Variants in PPA1 observed in about 807,000 individuals in gnomAD.
The protein encoded by PPA1 is inorganic pyrophosphatase.
In PPA1, 23 loss-of-function variants were observed where a neutral mutation model predicts 41.8. The ratio of observed to expected loss-of-function variants is 0.55; its 90% confidence interval spans 0.40 to 0.78. The LOEUF is 0.78. Ranked by LOEUF, PPA1 falls within the 30% of genes least tolerant of loss-of-function variation. The pLI is 0.00. For synonymous variants in PPA1, 101 were observed against 116.8 expected, an observed-to-expected ratio of 0.86 and a Z score of 0.87; for missense variants, 320 against 361.6, an observed-to-expected ratio of 0.89 and a Z score of 0.93.
At chr10:70,213,409 T>C in intron 6 of PPA1, 54 bp downstream of exon 6, 2 of 1,597,942 alleles carry the variant, frequency 1.3e-6, no homozygotes, top group Non-Finnish European at 1.7e-6. Context: ...AGGTTAAGTA[T>C]GGTGGTGCTT....
intron 2 of PPA1, among the ~76,000 whole-genome samples, chr10:70,220,847 T>TATATATATAATTCTTATATATATA (rs1840146048): frequency 2.4e-5 from 1 of 42,532 alleles, no homozygotes; most frequent in Non-Finnish European, 3.8e-5. Flanking sequence ...TTATATATAT[T>TATATATATAATTCTTATATATATA]ATATATATAA....
intron 2 of PPA1, among the ~76,000 whole-genome samples, chr10:70,220,847 T>TATATATATAATTTTTATATATA (rs1840146022): frequency 2.4e-5 from 1 of 42,532 alleles, no homozygotes; most frequent in African/African-American, 1.1e-4. Flanking sequence ...TTATATATAT[T>TATATATATAATTTTTATATATA]ATATATATAA....
intron 2 of PPA1, among the ~76,000 whole-genome samples, chr10:70,221,072 A>T (rs1299083135): frequency 0.062 from 1,022 of 16,388 alleles, 84 homozygotes; most frequent in African/African-American, 0.11. Context: ...ATATATATAT[A>T]TATATTTTTT....
At chr10:70,218,136 A>C (rs1840099455) in intron 3 of PPA1, among the ~76,000 whole-genome samples, 1 of 152,232 alleles carries the variant, frequency 6.6e-6, no homozygotes, top group African/African-American at 2.4e-5. Context: ...AGGAACTATC[A>C]AGAAGGGAAA....
intron 2 of PPA1, among the ~76,000 whole-genome samples, chr10:70,221,074 ATATTTTTTT>A (rs1177554099): frequency 0.015 from 307 of 20,832 alleles, 39 homozygotes; most frequent in African/African-American, 0.088. Context: ...ATATATATAT[ATATTTTTTT>A]TTTTTTTTTT....
intron 2 of PPA1, among the ~76,000 whole-genome samples, chr10:70,226,081 A>C (rs1320001186): frequency 1.3e-5 from 2 of 152,242 alleles, no homozygotes; most frequent in African/African-American, 4.8e-5. Context: ...AATTGTGTTA[A>C]GATTCCAAGG....
chr10:70,206,051 A>C (rs892102790), intron 9 of PPA1: 42 of 546,300 alleles, frequency 7.7e-5, no homozygotes, highest in Non-Finnish European at 1.4e-4. Context: ...CTATCTGTCC[A>C]ACTTATGATT....
chr10:70,224,816 C>T (rs1057386963), intron 2 of PPA1, among the ~76,000 whole-genome samples: 6 of 152,236 alleles, frequency 3.9e-5, no homozygotes, highest in African/African-American at 1.2e-4. Flanking sequence ...CTGCAACCTC[C>T]GTCTCCCGGG....
Position 70,213,514 on chromosome 10 carries a change from A to C in PPA1, c.460T>G (p.Trp154Gly). The change falls in exon 6 of 11, where the codon TGG becomes GGG. Residue 154 changes from tryptophan (W) to glycine (G), a missense_variant. Coordinates refer to ENST00000373232, the MANE Select transcript of PPA1 (RefSeq NM_021129.4). ...TCCACATTAATGGCAATGACTTTCCAGTCGGTTTCCCCTTCGTCAATCATA... is the reference window on the plus strand; with the variant it reads ...TCCACATTAATGGCAATGACTTTCCCGTCGGTTTCCCCTTCGTCAATCATA... The part of the protein sequence containing the change: ...LAMIDEGETD[W>G]KVIAINVDDP... 3 of 1,614,110 alleles carry C rather than the reference A, an allele frequency of 1.9e-6. No homozygotes were observed. The highest frequency in any genetic ancestry group is 2.5e-6 in the Non-Finnish European group (3 of 1,179,964).
At chr10:70,209,793 T>C in intron 6 of PPA1, 108 bp from the exon 7 acceptor site, 2 of 1,270,864 alleles carry the variant, frequency 1.6e-6, no homozygotes, top group South Asian at 2.7e-5. Context: ...TCAACAAAAA[T>C]TCCAAGTACT....
At chr10:70,207,456 G>C (rs989143198) in intron 8 of PPA1, among the ~76,000 whole-genome samples, 2 of 152,086 alleles carry the variant, frequency 1.3e-5, no homozygotes, top group African/African-American at 4.8e-5. Context: ...ATCACTTAAA[G>C]CCAGGGGGTC....
intron 2 of PPA1, 46 bp from the exon 3 acceptor site, chr10:70,218,863 T>C: frequency 7.2e-7 from 1 of 1,392,286 alleles, no homozygotes; most frequent in Non-Finnish European, 1.0e-6. Context: ...AGCCAATTTG[T>C]TCTCTGAGGG....
chr10:70,204,844 AT>A (rs1238869420), intron 10 of PPA1, 28 bp downstream of exon 10: 1 of 1,546,276 alleles, frequency 6.5e-7, no homozygotes, highest in Non-Finnish European at 8.8e-7. Flanking sequence ...GTAATGTTTA[AT>A]GAAATTTTAC....
chr10:70,217,955 T>C (rs1405260897), intron 3 of PPA1, 24 bp from the exon 4 acceptor site: 7 of 1,510,804 alleles, frequency 4.6e-6, no homozygotes, highest in Non-Finnish European at 5.4e-6. Flanking sequence ...ATTTCAAATC[T>C]TTGCATATTT....
rs566332140 is a variant in PPA1, at chr10:70,230,937, A to T, written c.65-538T>A. Among the ~76,000 whole-genome samples the T allele has an allele frequency of 9.2e-5, 14 of 152,330 alleles. No individual in the cohort carries two copies. The South Asian group carries it at 1.9e-3, about 20-fold the overall frequency. ...TCTATAGTGAGAGCAGAGACTACTG[A>T]GGACACAAAAGGCGATTAAATTGTT... On this transcript the variant is annotated intron_variant, in intron 1 of 10. Coordinates refer to ENST00000373232, the MANE Select transcript of PPA1 (RefSeq NM_021129.4).
intron 4 of PPA1, 84 bp from the exon 5 acceptor site, chr10:70,214,670 C>T: frequency 9.6e-7 from 1 of 1,046,822 alleles, no homozygotes; most frequent in South Asian, 1.6e-5. Flanking sequence ...CATCCTATGA[C>T]TCTTCAGCTA....
At chr10:70,214,318 A>G (rs1840054061) in intron 5 of PPA1, among the ~76,000 whole-genome samples, 182 bp downstream of exon 5, 2 of 152,248 alleles carry the variant, frequency 1.3e-5, no homozygotes, top group African/African-American at 4.8e-5. Context: ...TTTCCAGACT[A>G]GATTTAAATG....
In PPA1 at chr10:70,209,683, T is replaced by TAG; in HGVS notation, c.513_514insCT (p.Ile172LeufsTer8). 1 of 1,593,132 alleles carries TAG rather than the reference T, an allele frequency of 6.3e-7. No homozygotes were observed. Among genetic ancestry groups the TAG allele is most frequent in the Non-Finnish European group, 8.6e-7 (1 of 1,166,034 alleles). ...GGTTTCAGCCGTTTGACATCATTGATATCTAAGAAGAGAAGAAGCATAAGA... is the reference window on the plus strand; with the variant it reads ...GGTTTCAGCCGTTTGACATCATTGATAGATCTAAGAAGAGAAGAAGCATAAGA... On this transcript the variant is annotated frameshift_variant and splice_region_variant, in exon 7 of 11. Coordinates refer to ENST00000373232, the MANE Select transcript of PPA1 (RefSeq NM_021129.4). LOFTEE classifies it high-confidence loss of function.
At chr10:70,222,034 T>A (rs1254749730) in intron 2 of PPA1, among the ~76,000 whole-genome samples, 1 of 152,014 alleles carries the variant, frequency 6.6e-6, no homozygotes, top group African/African-American at 2.4e-5. Context: ...CTGGTGCTTT[T>A]TAGAAATTAG....
Sources: gnomAD v4.1 joint callset for allele counts (sites outside exome capture counted in the v4.1 genomes callset) on GRCh38, gnomAD v4.1.1 for gene constraint, MANE v1.5 for transcripts, NCBI Gene and HGNC (gene_info 2026-07-23, HGNC 2026-07-21) for gene names.